Variants in EMCN observed in about 807,000 individuals in gnomAD.
EMCN encodes the protein MUC-14.
EMCN carries 37 observed loss-of-function variants against 38.4 expected under a neutral mutation model. The observed-to-expected ratio is 0.96, with a 90% CI of 0.74 to 1.27. The LOEUF is 1.27. Ranked by LOEUF, EMCN falls within the 50% of genes most tolerant of loss-of-function variation. The pLI is 0.00. For synonymous variants in EMCN, 95 were observed against 100.8 expected (o/e 0.94, Z 0.35); for missense variants, 318 against 302.8 (o/e 1.05, Z -0.37).
intron 5 of EMCN, chr4:100,446,031 T>G: frequency 2.0e-6 from 2 of 979,844 alleles, no homozygotes; most frequent in Non-Finnish European, 2.4e-6. Context: ...TAAATAAAAT[T>G]TATTTAAACA....
chr4:100,409,514 AT>A (rs1726490116), intron 11 of EMCN, among the ~76,000 whole-genome samples: 1 of 152,128 alleles, frequency 6.6e-6, no homozygotes, highest in Non-Finnish European at 1.5e-5. Flanking sequence ...CTTTTGAGAA[AT>A]TTCCATTTTT....
intron 1 of EMCN, among the ~76,000 whole-genome samples, chr4:100,493,587 T>G (rs960765266): frequency 1.3e-5 from 2 of 152,238 alleles, no homozygotes; most frequent in Non-Finnish European, 2.9e-5. Context: ...CTACTAATTT[T>G]AAAATCAGTA....
intron 4 of EMCN, among the ~76,000 whole-genome samples, chr4:100,456,852 T>C (rs184824596): frequency 2.0e-5 from 3 of 152,272 alleles, no homozygotes; most frequent in Admixed American, 2.0e-4. Flanking sequence ...AATTGTTTGT[T>C]AATCATATTG....
intron 5 of EMCN, among the ~76,000 whole-genome samples, chr4:100,425,550 G>A (rs1339320705): frequency 6.6e-6 from 1 of 152,014 alleles, no homozygotes; most frequent in Non-Finnish European, 1.5e-5. Context: ...CTATGTGCCT[G>A]AGTTTCCACA....
At chr4:100,438,726 A>C (rs1186632641) in intron 5 of EMCN, among the ~76,000 whole-genome samples, 2 of 151,926 alleles carry the variant, frequency 1.3e-5, no homozygotes, top group African/African-American at 4.8e-5. Context: ...GTTTTTCATA[A>C]ATGTTTTTTA....
At chr4:100,433,968 A>G (rs550434686) in intron 5 of EMCN, among the ~76,000 whole-genome samples, 94 of 152,342 alleles carry the variant, frequency 6.2e-4, no homozygotes, top group Non-Finnish European at 1.3e-3. Flanking sequence ...TAAAAGAACT[A>G]GAGAACCAAA....
At chr4:100,491,024 A>G (rs759425830) in intron 1 of EMCN, among the ~76,000 whole-genome samples, 1 of 151,978 alleles carries the variant, frequency 6.6e-6, no homozygotes, top group East Asian at 1.9e-4. Flanking sequence ...TTTTCTTTCT[A>G]TAGAGTTGTT....
chr4:100,416,740 C>G (rs1169461603), intron 9 of EMCN, among the ~76,000 whole-genome samples: 1 of 152,078 alleles, frequency 6.6e-6, no homozygotes, highest in Non-Finnish European at 1.5e-5. Flanking sequence ...AGTAAAACAG[C>G]CATCTACCTT....
chr4:100,496,969 C>T (rs1481140893), intron 1 of EMCN, among the ~76,000 whole-genome samples: 1 of 151,878 alleles, frequency 6.6e-6, no homozygotes, highest in East Asian at 1.9e-4. Flanking sequence ...AGTCCCATTC[C>T]ATTTTCTCTC....
chr4:100,458,886 C>T (rs1045537529), intron 4 of EMCN, among the ~76,000 whole-genome samples: 2 of 152,108 alleles, frequency 1.3e-5, no homozygotes, highest in African/African-American at 4.8e-5. Context: ...TTATCATGTT[C>T]TGTCTTGATG....
At chr4:100,498,103 A>C (rs1328094885) in intron 1 of EMCN, among the ~76,000 whole-genome samples, 1 of 152,150 alleles carries the variant, frequency 6.6e-6, no homozygotes, top group Non-Finnish European at 1.5e-5. Flanking sequence ...CAAAGAAGAG[A>C]AACTAATGTG....
At chr4:100,503,617 C>T (rs1729405388) in intron 1 of EMCN, among the ~76,000 whole-genome samples, 1 of 152,010 alleles carries the variant, frequency 6.6e-6, no homozygotes. Flanking sequence ...TTTGCTCTGT[C>T]ACCCAGGCTG....
Position 100,439,558 on chromosome 4 carries a change from A to AT in EMCN, c.415+7974dup, listed in dbSNP as rs34415814. On this transcript the variant is annotated intron_variant, in intron 5 of 11. Coordinates refer to ENST00000296420, the MANE Select transcript of EMCN (RefSeq NM_016242.4). ...ATTTAGACCAGCTAAAGGTTTATCCATTTTTTTTTATTTTTTGAAAGCACC... is the reference window on the plus strand; with the variant it reads ...ATTTAGACCAGCTAAAGGTTTATCCATTTTTTTTTTATTTTTTGAAAGCACC... Among the ~76,000 whole-genome samples the AT allele has an allele frequency of 3.3e-3, 498 of 148,742 alleles. 3 individuals are homozygous for AT. Among genetic ancestry groups the AT allele is most frequent in the African/African-American group, 0.01 (414 of 40,624 alleles).
intron 1 of EMCN, among the ~76,000 whole-genome samples, chr4:100,514,587 A>G (rs762509180): frequency 6.6e-6 from 1 of 152,048 alleles, no homozygotes; most frequent in Non-Finnish European, 1.5e-5. Context: ...CTAATTAACT[A>G]TATGAGTCAA....
At chr4:100,500,983 A>G (rs954500250) in intron 1 of EMCN, among the ~76,000 whole-genome samples, 5 of 152,024 alleles carry the variant, frequency 3.3e-5, no homozygotes, top group Admixed American at 1.3e-4. Context: ...GGTCAGTTAT[A>G]TATACACAGC....
intron 10 of EMCN, among the ~76,000 whole-genome samples, chr4:100,411,434 T>C (rs1321959310): frequency 1.3e-5 from 2 of 152,208 alleles, no homozygotes; most frequent in African/African-American, 4.8e-5. Context: ...GCAAAGCAAG[T>C]CATTGAAAAT....
At chr4:100,432,535 T>C (rs936764850) in intron 5 of EMCN, among the ~76,000 whole-genome samples, 1 of 152,200 alleles carries the variant, frequency 6.6e-6, no homozygotes, top group Non-Finnish European at 1.5e-5. Context: ...ATTAAAAGCC[T>C]TGGTTAATGG....
intron 5 of EMCN, among the ~76,000 whole-genome samples, chr4:100,435,166 C>G (rs969214081): frequency 2.6e-5 from 4 of 152,178 alleles, no homozygotes; most frequent in African/African-American, 7.2e-5. Flanking sequence ...TGATAAGCAA[C>G]TTCAGCAAAG....
At chr4:100,495,779 C>G (rs1465820978) in intron 1 of EMCN, among the ~76,000 whole-genome samples, 1 of 151,994 alleles carries the variant, frequency 6.6e-6, no homozygotes, top group African/African-American at 2.4e-5. Flanking sequence ...TAACATTTAT[C>G]TGTGTATCTT....
Sources: gnomAD v4.1 joint callset for allele counts (sites outside exome capture counted in the v4.1 genomes callset) on GRCh38, gnomAD v4.1.1 for gene constraint, MANE v1.5 for transcripts, NCBI Gene and HGNC (gene_info 2026-07-23, HGNC 2026-07-21) for gene names.